ZNF322: variants seen among roughly 807,000 people sequenced by gnomAD.
ZNF322 encodes zinc finger protein 322.
A neutral mutation model predicts 18.3 loss-of-function variants in ZNF322; 1 was observed. The ratio of observed to expected loss-of-function variants is 0.05; its 90% CI spans 0.02 to 0.26. The LOEUF is 0.26. Among genes scored for constraint, ZNF322 ranks in the 10% least tolerant of loss-of-function variants. ZNF322 has a pLI of 1.00. For synonymous variants in ZNF322, 17 were observed against 130.7 expected, an observed-to-expected ratio of 0.13 and a Z score of 5.93; for missense variants, 36 against 403.6, an observed-to-expected ratio of 0.09 and a Z score of 7.80.
chr6:26,638,052 T>C lies in ZNF322; in HGVS notation c.502A>G (p.Thr168Ala). ...SECDKCFSRS[T>A]NLIRHRRTHT... is the part of the protein sequence containing the mutation. ...GTTCTTCGATGCCTTATGAGGTTTG[T>C]ACTTCTACTGAAGCATTTGTCACAC... Residue 168 changes from threonine (T) to alanine (A), a missense_variant, in exon 4 of 4, where the codon ACA (threonine) becomes GCA (alanine). By Grantham distance (58) the Thr-to-Ala change is moderately conservative (BLOSUM62 0). Transcript: ENST00000415922. 1 of 1,340,070 alleles carries C rather than the reference T, an allele frequency of 7.5e-7. No homozygotes were observed. The highest frequency in any genetic ancestry group is 1.1e-6 in the Non-Finnish European group (1 of 943,892). The allele number at this position is 1,340,070 out of a possible 1,614,324, so 83.0% of individuals were successfully genotyped here. A position where few individuals can be genotyped will look rare whatever the true frequency, so the allele number is the denominator to read the frequency against.
chr6:26,647,835 C>A (rs1306554300), intron 2 of ZNF322, among the ~76,000 whole-genome samples: 1 of 151,146 alleles, frequency 6.6e-6, no homozygotes, highest in African/African-American at 2.4e-5. Flanking sequence ...GGTAACTAAA[C>A]CTGATGAAGA....
chr6:26,658,534 AAC>A (rs1166286960), intron 2 of ZNF322, 22 bp downstream of exon 2: 1 of 164,696 alleles, frequency 6.1e-6, no homozygotes, highest in African/African-American at 2.4e-5. Context: ...TTTATACAGA[AAC>A]AGAGCCTGGT....
At chr6:26,658,769 T>C (rs922540099) in intron 1 of ZNF322, 123 bp from the exon 2 acceptor site, 4 of 153,164 alleles carry the variant, frequency 2.6e-5, no homozygotes, top group African/African-American at 9.6e-5. Flanking sequence ...CCTTCAACCA[T>C]AGCTTACCTC....
Position 26,637,645 on chromosome 6 carries a change from GT to G in ZNF322, c.908del (p.Asn303ThrfsTer30). ...FKCLEYEKSF[N>X]CSSDLIVHQR... ...GATGTACAATAAGATCTGAGCTACA[GT>G]TAAAGCTTTTTTCATATTCAAGGCA... On this transcript the variant is annotated frameshift_variant, in exon 4 of 4. Transcript: ENST00000415922. LOFTEE classifies it low-confidence loss of function (END_TRUNC). The G allele has an allele frequency of 8.0e-7, 1 of 1,248,778 alleles. No individual in the cohort carries two copies. The highest frequency in any genetic ancestry group is 1.2e-6 in the Non-Finnish European group (1 of 869,070). The allele number at this position is 1,248,778 out of a possible 1,614,324, so 77.4% of individuals were successfully genotyped here.
chr6:26,644,609 A>C (rs1487812602), intron 2 of ZNF322, among the ~76,000 whole-genome samples: 1 of 152,172 alleles, frequency 6.6e-6, no homozygotes, highest in Non-Finnish European at 1.5e-5. Context: ...GTCAGGAAAG[A>C]GCAGAATTTT....
intron 2 of ZNF322, among the ~76,000 whole-genome samples, chr6:26,652,459 C>A (rs547777087): frequency 3.3e-5 from 5 of 152,192 alleles, no homozygotes; most frequent in African/African-American, 1.2e-4. Flanking sequence ...GAGGCTGAGG[C>A]GGGTGGATCA....
chr6:26,644,201 C>G (rs527748475), intron 2 of ZNF322, among the ~76,000 whole-genome samples: 1 of 152,330 alleles, frequency 6.6e-6, no homozygotes, highest in African/African-American at 2.4e-5. Flanking sequence ...ATTTATATTT[C>G]AACCACAAAC....
intron 2 of ZNF322, among the ~76,000 whole-genome samples, chr6:26,648,177 A>G (rs1195799189): frequency 1.3e-5 from 2 of 152,224 alleles, no homozygotes; most frequent in Non-Finnish European, 2.9e-5. Context: ...AAATCCACTA[A>G]ATATAATACC....
Position 26,659,628 on chromosome 6 carries a change from A to G in ZNF322, c.-522T>C, listed in dbSNP as rs1765848105. The G allele has an allele frequency of 6.0e-6, 1 of 166,444 alleles. No homozygotes were observed. The highest frequency in any genetic ancestry group is 1.5e-5 in the Non-Finnish European group (1 of 68,250). The allele number at this position is 166,444 out of a possible 1,614,324, so 10.3% of individuals were successfully genotyped here. ...TAGGAGCAACTCCCTTCGTGCGCCT[A>G]GACTAGAGGAGTTGGGGCCAGGCCG... On this transcript the variant is annotated 5_prime_UTR_variant, in exon 1 of 4. Transcript: ENST00000415922.
intron 2 of ZNF322, among the ~76,000 whole-genome samples, chr6:26,650,624 T>C (rs998700372): frequency 3.3e-5 from 5 of 152,198 alleles, no homozygotes; most frequent in Admixed American, 2.0e-4. Flanking sequence ...TACAAATCAA[T>C]TATTTTCCTC....
At chr6:26,658,836 T>C (rs1216003415) in intron 1 of ZNF322, 190 bp from the exon 2 acceptor site, 2 of 152,274 alleles carry the variant, frequency 1.3e-5, no homozygotes, top group African/African-American at 4.8e-5. Context: ...CTGGTAGCCA[T>C]CAGTTCCGAC....
At chr6:26,639,154 G>C (rs1669333029) in intron 3 of ZNF322, among the ~76,000 whole-genome samples, 1 of 152,162 alleles carries the variant, frequency 6.6e-6, no homozygotes, top group African/African-American at 2.4e-5. Flanking sequence ...AGAAAAGTAA[G>C]GTTTCTATGA....
intron 2 of ZNF322, among the ~76,000 whole-genome samples, chr6:26,644,835 A>C (rs1765527862): frequency 6.6e-6 from 1 of 152,168 alleles, no homozygotes; most frequent in East Asian, 1.9e-4. Flanking sequence ...GTTCCAGGGT[A>C]CCTGTGCGGG....
At chr6:26,657,447 T>C (rs1554149817) in intron 2 of ZNF322, among the ~76,000 whole-genome samples, 1 of 152,110 alleles carries the variant, frequency 6.6e-6, no homozygotes, top group African/African-American at 2.4e-5. Context: ...TACTCCTTTA[T>C]TGGACTCAAG....
chr6:26,639,414 G>A (rs1166933550), intron 3 of ZNF322, among the ~76,000 whole-genome samples: 1 of 152,054 alleles, frequency 6.6e-6, no homozygotes, highest in African/African-American at 2.4e-5. Flanking sequence ...AATCCTGACT[G>A]ATTATAGATA....
chr6:26,649,642 T>C (rs1554148974), intron 2 of ZNF322, among the ~76,000 whole-genome samples: 1 of 10,708 alleles, frequency 9.3e-5, no homozygotes, highest in East Asian at 3.7e-3. Context: ...TACATATGTG[T>C]GTGTGTGTGT....
Position 26,648,911 on chromosome 6 carries a change from T to C in ZNF322, c.-245-5183A>G, listed in dbSNP as rs183987838. Among the ~76,000 whole-genome samples the C allele has an allele frequency of 2.0e-3, 309 of 152,362 alleles. 2 individuals carry two copies. Among genetic ancestry groups the C allele is most frequent in the African/African-American group, 5.1e-3 (211 of 41,592 alleles). On this transcript the variant is annotated intron_variant, in intron 2 of 3. Transcript: ENST00000415922. ...AAAATAACAAGCTTCTTTATGAAAC[T>C]AGACTAAGGGGTGGCAAACTATGGC...
intron 2 of ZNF322, among the ~76,000 whole-genome samples, chr6:26,654,076 G>T (rs1267545842): frequency 6.6e-6 from 1 of 152,128 alleles, no homozygotes; most frequent in Non-Finnish European, 1.5e-5. Flanking sequence ...ACTACTTAAT[G>T]TGTATCCTAG....
intron 2 of ZNF322, among the ~76,000 whole-genome samples, chr6:26,646,158 GA>G (rs1204068893): frequency 6.6e-5 from 10 of 151,566 alleles, no homozygotes; most frequent in East Asian, 1.9e-4. Flanking sequence ...ACCTATCGTA[GA>G]AAAAAAAGTA....
Sources: allele counts gnomAD v4.1 joint callset (sites outside exome capture counted in the v4.1 genomes callset), GRCh38; gene constraint gnomAD v4.1.1; transcripts MANE v1.5; gene names NCBI Gene and HGNC (gene_info 2026-07-23, HGNC 2026-07-21).